Variants in SPHKAP observed in about 807,000 individuals in gnomAD.
SPHKAP encodes SPHK1 interactor, AKAP domain containing, also known as A-kinase anchor protein SPHKAP.
In SPHKAP, 67 loss-of-function variants were observed where a neutral mutation model predicts 137.5. The ratio of observed to expected loss-of-function variants is 0.49; its 90% confidence interval spans 0.40 to 0.60. The LOEUF is 0.60. Ranked by LOEUF, SPHKAP falls within the 20% of genes least tolerant of loss-of-function variation. The pLI is 0.00. For missense variants in SPHKAP, 2,097 were observed against 2,069.3 expected (o/e 1.01, Z -0.26); for synonymous variants, 813 against 785.3 (o/e 1.04, Z -0.59).
intron 7 of SPHKAP, among the ~76,000 whole-genome samples, chr2:228,001,892 C>T (rs1693921459): frequency 6.6e-6 from 1 of 152,142 alleles, no homozygotes; most frequent in Admixed American, 6.6e-5. Context: ...CTACAAAGGA[C>T]ATGAACTCTT....
chr2:228,166,837 C>T (rs372239961), intron 1 of SPHKAP, among the ~76,000 whole-genome samples: 8 of 152,048 alleles, frequency 5.3e-5, no homozygotes, highest in Non-Finnish European at 7.4e-5. Flanking sequence ...CACAGTTCTG[C>T]GGGATGTACA....
rs151026181 is a variant in SPHKAP, at chr2:228,040,461, C to T, written c.247-12918G>A. ...TGCTGTGGACATTCCGGAATACATTCGACTGTTTGAGAAAATGTTGCATTT... is the reference window on the plus strand; with the variant it reads ...TGCTGTGGACATTCCGGAATACATTTGACTGTTTGAGAAAATGTTGCATTT... On this transcript the variant is annotated intron_variant, in intron 3 of 11. Coordinates refer to ENST00000392056, the MANE Select transcript of SPHKAP (RefSeq NM_001142644.2). 3.3e-4 allele frequency among the ~76,000 whole-genome samples: 51 copies of T among 152,240 alleles called. 2 individuals carry two copies. The East Asian group carries it at 8.5e-3, about 25-fold the overall frequency.
intron 1 of SPHKAP, among the ~76,000 whole-genome samples, chr2:228,165,395 C>T (rs748225594): frequency 1.0e-3 from 153 of 152,138 alleles, no homozygotes; most frequent in Non-Finnish European, 1.6e-3. Flanking sequence ...TTATCAAGGG[C>T]CTGCTTTCTT....
chr2:228,140,404 T>C (rs1200249620), intron 1 of SPHKAP, among the ~76,000 whole-genome samples: 2 of 152,300 alleles, frequency 1.3e-5, no homozygotes, highest in East Asian at 1.9e-4. Context: ...CCCGTGTTCT[T>C]CCATCAAACC....
At chr2:228,025,245 A>G in intron 5 of SPHKAP, 149 bp downstream of exon 5, 1 of 805,878 alleles carries the variant, frequency 1.2e-6, no homozygotes, top group Non-Finnish European at 1.8e-6. Context: ...TTTAAGAGAA[A>G]TACAAATGCA....
At chr2:228,000,787 T>C (rs1342020055) in intron 7 of SPHKAP, among the ~76,000 whole-genome samples, 2 of 152,186 alleles carry the variant, frequency 1.3e-5, no homozygotes, top group Non-Finnish European at 2.9e-5. Context: ...TCCATTTACC[T>C]ACTGAAGAAT....
intron 5 of SPHKAP, 122 bp downstream of exon 5, chr2:228,025,271 TA>T: frequency 1.8e-6 from 2 of 1,082,708 alleles, no homozygotes; most frequent in Non-Finnish European, 2.5e-6. Context: ...TTCTCAAATA[TA>T]AAGACACTTT....
chr2:228,103,298 C>G (rs1237123194), intron 3 of SPHKAP, among the ~76,000 whole-genome samples: 1 of 152,168 alleles, frequency 6.6e-6, no homozygotes, highest in Non-Finnish European at 1.5e-5. Flanking sequence ...TGAGGTGCCT[C>G]AGGAACTGCT....
At chr2:227,994,194 G>A (rs1693535739) in intron 8 of SPHKAP, 2 of 422,090 alleles carry the variant, frequency 4.7e-6, no homozygotes, top group South Asian at 9.9e-5. Context: ...GCTGGGCAAT[G>A]TCAATGTTTT....
intron 8 of SPHKAP, among the ~76,000 whole-genome samples, chr2:227,994,495 G>A (rs756064201): frequency 2.0e-5 from 3 of 152,164 alleles, no homozygotes; most frequent in Non-Finnish European, 2.9e-5. Flanking sequence ...AAGGGTGAGT[G>A]GTGGTGCGTC....
intron 11 of SPHKAP, chr2:227,982,290 A>T: frequency 1.0e-6 from 1 of 985,396 alleles, no homozygotes; most frequent in Non-Finnish European, 1.2e-6. Context: ...CAAATAAATC[A>T]AGTGGTAAAC....
chr2:228,176,237 A>G (rs1284999945), intron 1 of SPHKAP, among the ~76,000 whole-genome samples: 1 of 152,204 alleles, frequency 6.6e-6, no homozygotes, highest in Non-Finnish European at 1.5e-5. Context: ...GGAACATTAA[A>G]AACAATAAAG....
At chr2:228,131,905 G>T in intron 2 of SPHKAP, 75 bp downstream of exon 2, 1 of 1,534,512 alleles carries the variant, frequency 6.5e-7, no homozygotes, top group Non-Finnish European at 9.0e-7. Context: ...ACTTTAGGAA[G>T]AGTGCTTAAA....
chr2:228,037,065 A>G (rs1298138813), intron 3 of SPHKAP, among the ~76,000 whole-genome samples: 1 of 152,118 alleles, frequency 6.6e-6, no homozygotes, highest in African/African-American at 2.4e-5. Context: ...AATATTTTTC[A>G]GCTTATTGTC....
At chr2:228,130,469 A>G (rs4973071) in intron 2 of SPHKAP, among the ~76,000 whole-genome samples, 51,992 of 152,046 alleles carry the variant, frequency 0.34, 9,160 homozygotes, top group East Asian at 0.5. Flanking sequence ...CACATGAGGA[A>G]ATTGAGATAT....
rs780995075 is a variant in SPHKAP, at chr2:228,017,213, C to A, written c.3641G>T (p.Arg1214Leu). 6.2e-7 allele frequency: 1 copy of A among 1,613,950 alleles called. No homozygotes were observed. The highest frequency in any genetic ancestry group is 1.1e-5 in the South Asian group (1 of 91,062). ...GCCGGCTGTCCAATCCTGGCTGCTC[C>A]GTCTGGAGGAGGCACTTTCTCTGCT... Reference protein sequence around the residue: ...RDSRESASSRRSSQDWTAGLL... With the variant: ...RDSRESASSRLSSQDWTAGLL... The change falls in exon 7 of 12, where the codon CGG becomes CTG. Residue 1214 changes from arginine to leucine, a missense_variant. By Grantham distance (102) the Arg-to-Leu change is moderately radical. Transcript: ENST00000392056.
intron 1 of SPHKAP, among the ~76,000 whole-genome samples, chr2:228,158,276 G>A (rs1367606294): frequency 2.0e-5 from 3 of 151,126 alleles, no homozygotes; most frequent in Non-Finnish European, 2.9e-5. Context: ...AGGCTGTGTG[G>A]AAATACAATA....
In SPHKAP at chr2:228,181,618, A is replaced by T; in HGVS notation, c.-20T>A. The T allele has an allele frequency of 1.2e-6, 2 of 1,614,016 alleles. No homozygotes were observed. The highest frequency in any genetic ancestry group is 2.2e-5 in the South Asian group (2 of 91,074). ...ATCCATTGTTGGTGGGCGCCCAGAGAAGAAAGACGGAAAGTGCAGGCGAAG... is the reference window on the plus strand; with the variant it reads ...ATCCATTGTTGGTGGGCGCCCAGAGTAGAAAGACGGAAAGTGCAGGCGAAG... On this transcript the variant is annotated 5_prime_UTR_variant, in exon 1 of 12. Transcript: ENST00000392056. This position sits in a 1 kb window ranked among gnomAD's most constrained non-coding sequence, Gnocchi z 4.3.
At chr2:227,990,863 T>A in intron 11 of SPHKAP, 137 bp downstream of exon 11, 1 of 860,380 alleles carries the variant, frequency 1.2e-6, no homozygotes, top group East Asian at 2.7e-5. Context: ...ATTTCAATGT[T>A]CTAGCCGCAA....
Sources: allele counts gnomAD v4.1 joint callset (sites outside exome capture counted in the v4.1 genomes callset), GRCh38; gene constraint gnomAD v4.1.1; non-coding constraint Gnocchi (gnomAD v3.1); transcripts MANE v1.5; gene names NCBI Gene and HGNC (gene_info 2026-07-23, HGNC 2026-07-21).